SCRG1: variants seen among roughly 807,000 people sequenced by gnomAD.
SCRG1 encodes the protein scrapie-responsive protein 1.
Under a neutral mutation model 7.7 loss-of-function variants are expected in SCRG1, and 3 were observed. That is an observed-to-expected ratio of 0.39 (90% confidence interval 0.18 to 1.01). The LOEUF (loss-of-function observed/expected upper bound fraction) is 1.01, where lower values mean the gene tolerates loss of function less well. Among genes scored for constraint, SCRG1 ranks in the 50% least tolerant of loss-of-function variants. The probability of loss-of-function intolerance (pLI) is 0.36; values close to 1 mark genes in which losing one functional copy is unlikely to be tolerated. For synonymous variants in SCRG1, 46 were observed against 41.2 expected (o/e 1.12, Z -0.44); for missense variants, 110 against 117.2 (o/e 0.94, Z 0.28).
At chr4:173,437,116 C>T in the SCRG1 span, among the ~76,000 whole-genome samples, 24 of 152,184 alleles carry the variant, frequency 1.6e-4, no homozygotes, top group African/African-American at 5.6e-4. Context: ...CTGCTTTCCT[C>T]GTCTTTGTTC....
the SCRG1 span, among the ~76,000 whole-genome samples, chr4:173,516,192 G>A: frequency 6.6e-6 from 1 of 152,192 alleles, no homozygotes; most frequent in Admixed American, 6.5e-5. Context: ...CGCTTCTGGC[G>A]AATCCCAGAG....
chr4:173,453,871 G>A, the SCRG1 span, among the ~76,000 whole-genome samples: 4 of 152,120 alleles, frequency 2.6e-5, no homozygotes, highest in South Asian at 8.3e-4. Context: ...GATGTCAGGA[G>A]TTCGAGACCA....
At chr4:173,481,835 A>C in the SCRG1 span, among the ~76,000 whole-genome samples, 1 of 152,146 alleles carries the variant, frequency 6.6e-6, no homozygotes, top group South Asian at 2.1e-4. Flanking sequence ...TCAGCTGTTT[A>C]TGTTATCAGT....
At chr4:173,399,287 T>C (rs1739690600), upstream of SCRG1, 1 of 152,288 alleles carries the variant, frequency 6.6e-6, no homozygotes, top group African/African-American at 2.4e-5. Context: ...CTGCAAGGAC[T>C]GCCTCCTTTG....
At chr4:173,435,115 T>A in the SCRG1 span, among the ~76,000 whole-genome samples, 183 of 40,910 alleles carry the variant, frequency 4.5e-3, no homozygotes, top group African/African-American at 0.015. Context: ...TGCATATATA[T>A]CTATGTGTGT....
chr4:173,468,019 A>T, the SCRG1 span: 2 of 152,632 alleles, frequency 1.3e-5, no homozygotes, highest in Non-Finnish European at 2.9e-5. Context: ...TTAAGCCCAT[A>T]AAAGTTGCCA....
At chr4:173,517,064 G>C in the SCRG1 span, among the ~76,000 whole-genome samples, 1 of 152,232 alleles carries the variant, frequency 6.6e-6, no homozygotes, top group Admixed American at 6.5e-5. Flanking sequence ...GGCAGGGAAG[G>C]AGAGGACCAC....
chr4:173,443,943 T>TTTTGTGTGTG, the SCRG1 span, among the ~76,000 whole-genome samples: 1 of 138,696 alleles, frequency 7.2e-6, no homozygotes, highest in Non-Finnish European at 1.6e-5. Context: ...AGAGCTTGTT[T>TTTTGTGTGTG]TGTGTGTGTG....
the SCRG1 span, among the ~76,000 whole-genome samples, chr4:173,483,149 CATATGAAATATAT>C: frequency 1.6e-5 from 1 of 61,174 alleles, no homozygotes; most frequent in Non-Finnish European, 2.8e-5. Context: ...ATGAAATATA[CATATGAAATATAT>C]AACATATAAC....
At chr4:173,389,799 G>A in intron 2 of SCRG1, 1 of 380,182 alleles carries the variant, frequency 2.6e-6, no homozygotes, top group South Asian at 2.0e-5. Context: ...GGATAGTACT[G>A]GTCACTTCAA....
intron 1 of SCRG1, among the ~76,000 whole-genome samples, chr4:173,404,815 T>C (rs1470093810): frequency 1.3e-5 from 2 of 152,206 alleles, no homozygotes; most frequent in Non-Finnish European, 2.9e-5. Context: ...ATTGATTGTT[T>C]TTATTGCTCT....
At chr4:173,467,836 A>G in the SCRG1 span, 1 of 152,236 alleles carries the variant, frequency 6.6e-6, no homozygotes, top group Non-Finnish European at 1.5e-5. Flanking sequence ...ATCTAAAAAA[A>G]CAAACAAACC....
At chr4:173,460,133 G>A in the SCRG1 span, among the ~76,000 whole-genome samples, 6 of 152,158 alleles carry the variant, frequency 3.9e-5, no homozygotes, top group African/African-American at 1.4e-4. Context: ...CAAAACTCAG[G>A]TGAGCACTCA....
the SCRG1 span, among the ~76,000 whole-genome samples, chr4:173,448,040 G>T: frequency 0.015 from 2,320 of 152,238 alleles, 59 homozygotes; most frequent in African/African-American, 0.052. Context: ...GGAGGCAGAG[G>T]TTCCTGTGAG....
At chr4:173,476,740 G>C in the SCRG1 span, among the ~76,000 whole-genome samples, 2 of 152,140 alleles carry the variant, frequency 1.3e-5, no homozygotes. Flanking sequence ...AGGATCACTT[G>C]AGCCAATGAG....
the SCRG1 span, among the ~76,000 whole-genome samples, chr4:173,484,031 C>CAT: frequency 1.9e-5 from 1 of 51,688 alleles, no homozygotes; most frequent in Non-Finnish European, 3.2e-5. Flanking sequence ...TTATAATATA[C>CAT]ATATATAATT....
the SCRG1 span, among the ~76,000 whole-genome samples, chr4:173,509,232 G>A: frequency 6.6e-6 from 1 of 152,164 alleles, no homozygotes; most frequent in South Asian, 2.1e-4. This position sits in a 1 kb window ranked among gnomAD's most constrained non-coding sequence, Gnocchi z 5.7. Flanking sequence ...AGAAGAGAGG[G>A]TTGCGCGCGC....
At chr4:173,450,365 AT>A in the SCRG1 span, among the ~76,000 whole-genome samples, 3 of 151,974 alleles carry the variant, frequency 2.0e-5, no homozygotes, top group African/African-American at 4.8e-5. Context: ...TACTCCAGAT[AT>A]TTTTTTTAAA....
upstream of SCRG1, among the ~76,000 whole-genome samples, chr4:173,410,072 C>T (rs939494006): frequency 6.6e-5 from 10 of 152,296 alleles, no homozygotes; most frequent in South Asian, 1.5e-3. Flanking sequence ...AAGGGATCTC[C>T]GTCCCATTTG....
Sources: allele counts gnomAD v4.1 joint callset (sites outside exome capture counted in the v4.1 genomes callset), GRCh38; gene constraint gnomAD v4.1.1; non-coding constraint Gnocchi (gnomAD v3.1); transcripts MANE v1.5; gene names NCBI Gene and HGNC (gene_info 2026-07-23, HGNC 2026-07-21).